HDX: variants seen among roughly 807,000 people sequenced by gnomAD.
The protein encoded by HDX is highly divergent homeobox, also known as chromosome X open reading frame 43.
Under a neutral mutation model 45.2 loss-of-function variants are expected in HDX, and 19 were observed. The observed-to-expected ratio is 0.42, with a 90% CI of 0.29 to 0.62. The LOEUF (loss-of-function observed/expected upper bound fraction) is 0.62, where lower values mean the gene tolerates loss of function less well. Ranked by LOEUF, HDX falls within the 20% of genes least tolerant of loss-of-function variation. HDX has a pLI of 0.20. For missense variants in HDX, 532 were observed against 493.9 expected (o/e 1.08, Z -0.73); for synonymous variants, 188 against 172.8 (o/e 1.09, Z -0.69).
At position 84,319,597 on chromosome X, in the gene HDX, TA is replaced by T. The variant is rs2036560607; in HGVS notation, c.*2291del. 1 of 111,338 alleles carries T rather than the reference TA, an allele frequency of 9.0e-6. No homozygotes were observed. The highest frequency in any genetic ancestry group is 1.9e-5 in the Non-Finnish European group (1 of 52,605). The allele number at this position is 111,338 out of a possible 1,213,427, so 9.2% of individuals were successfully genotyped here. A position where few individuals can be genotyped will look rare whatever the true frequency, so the allele number is the denominator to read the frequency against. On this transcript the variant is annotated 3_prime_UTR_variant, in exon 11 of 11. Transcript: ENST00000373177. ...ACAAATTTCAAGACAAAAGGAGTTCTAAATGTATTGTTATGATTTATATAGT... is the reference window on the plus strand; with the variant it reads ...ACAAATTTCAAGACAAAAGGAGTTCTAATGTATTGTTATGATTTATATAGT...
intron 4 of HDX, among the ~76,000 whole-genome samples, chrX:84,464,622 T>C (rs2040307018): frequency 2.7e-5 from 3 of 111,813 alleles, no homozygotes; most frequent in African/African-American, 9.8e-5. Context: ...TGGCTAGCCA[T>C]ATGTAGAAAA....
Position 84,440,536 on chromosome X carries a change from CT to C in HDX, c.1300del (p.Arg434GlufsTer14). ...VPWITGCSRK[R>X]ALQDRTQFSD... ...TTTAAATGAAAGATTACTTACTGCT[CT>C]TTTTCTAGAACACCCTGTAATCCAA... On this transcript the variant is annotated frameshift_variant, in exon 5 of 11. Coordinates refer to ENST00000373177, the MANE Select transcript of HDX (RefSeq NM_001177479.2). LOFTEE classifies it high-confidence loss of function. The C allele has an allele frequency of 8.5e-7, 1 of 1,175,988 alleles. No individual in the cohort carries two copies. The highest frequency in any genetic ancestry group is 1.2e-6 in the Non-Finnish European group (1 of 865,680).
intron 1 of HDX, among the ~76,000 whole-genome samples, chrX:84,493,811 T>C (rs925989384): frequency 2.7e-5 from 3 of 111,453 alleles, no homozygotes; most frequent in African/African-American, 9.8e-5. Context: ...AGGGTGACTA[T>C]AGTCAAAATA....
At chrX:84,380,457 T>A (rs1007965945) in intron 5 of HDX, among the ~76,000 whole-genome samples, 1 of 110,518 alleles carries the variant, frequency 9.0e-6, no homozygotes, top group African/African-American at 3.3e-5. Flanking sequence ...CTGATAAATA[T>A]CGATGTAAAC....
At chrX:84,476,544 CAA>C (rs376973856) in intron 2 of HDX, among the ~76,000 whole-genome samples, 896 of 38,017 alleles carry the variant, frequency 0.024, 9 homozygotes, top group African/African-American at 0.072. Context: ...AACTCTGTCT[CAA>C]AAAAAAAAAA....
At position 84,349,609 on chromosome X, in the gene HDX, G is replaced by GTATATATA. The variant is rs752855941; in HGVS notation, c.1453-5160_1453-5153dup. 6.5e-3 allele frequency among the ~76,000 whole-genome samples: 502 copies of GTATATATA among 77,547 alleles called. 9 individuals are homozygous for GTATATATA. Among genetic ancestry groups the GTATATATA allele is most frequent in the African/African-American group, 0.025 (484 of 19,625 alleles). 67.3% of individuals were successfully genotyped at this position (77,547 alleles called of 115,157 possible). On this transcript the variant is annotated intron_variant, in intron 6 of 10. Coordinates refer to ENST00000373177, the MANE Select transcript of HDX (RefSeq NM_001177479.2). ...TACATCTATATGTTTATGTGTGTGT[G>GTATATATA]TATATATATATATATATATATAAAC...
intron 5 of HDX, among the ~76,000 whole-genome samples, chrX:84,413,832 G>A (rs749190025): frequency 5.4e-5 from 6 of 111,333 alleles, no homozygotes; most frequent in South Asian, 7.5e-4. Flanking sequence ...TTTGTTATTA[G>A]CAGAACTGAA....
chrX:84,321,685 C>T lies in HDX; in HGVS notation c.*204G>A. On this transcript the variant is annotated 3_prime_UTR_variant, in exon 11 of 11. Transcript: ENST00000373177. ...CAGAGTTCCATCAGTTAAAAAAATA[C>T]TCTCTCAAACAATGCTTTTAAATTT... is the stretch of plus-strand genomic sequence containing the variant. The T allele has an allele frequency of 3.9e-6, 1 of 256,764 alleles. No individual in the cohort carries two copies. The highest frequency in any genetic ancestry group is 7.1e-6 in the Non-Finnish European group (1 of 140,573). 21.2% of individuals were successfully genotyped at this position (256,764 alleles called of 1,213,427 possible).
chrX:84,443,881 T>C (rs1428219932), intron 4 of HDX, among the ~76,000 whole-genome samples: 1 of 111,867 alleles, frequency 8.9e-6, no homozygotes. Context: ...TGGTGCTGTT[T>C]TAGAGTGCTA....
chrX:84,364,859 A>G (rs769277763), intron 5 of HDX, among the ~76,000 whole-genome samples: 1 of 109,657 alleles, frequency 9.1e-6, no homozygotes, highest in Admixed American at 9.8e-5. Flanking sequence ...AAGGAGTATC[A>G]CTCTTTCCGT....
intron 9 of HDX, among the ~76,000 whole-genome samples, chrX:84,328,420 T>A (rs1165268839): frequency 1.8e-5 from 2 of 110,920 alleles, no homozygotes; most frequent in Admixed American, 9.7e-5. Flanking sequence ...TTAAAATATA[T>A]TGTAAAGAAA....
chrX:84,373,382 A>G (rs951896151), intron 5 of HDX, among the ~76,000 whole-genome samples: 7 of 111,351 alleles, frequency 6.3e-5, no homozygotes, highest in South Asian at 3.8e-4. Flanking sequence ...TTTAAAAAAA[A>G]GAGGGAATCC....
Position 84,344,311 on chromosome X carries a change from T to C in HDX, c.1599A>G (p.Val533=), listed in dbSNP as rs763591162. ...LTPGEEAGPE[V]GEDNDRNDEV... is the part of the protein sequence containing the mutation. The stretch of plus-strand genomic sequence containing the variant: ...CATCATTTCTGTCATTATCCTCTCC[T>C]ACTTCAGGCCCAGCTTCCTCTCCTG... Residue 533 remains valine, a synonymous_variant, in exon 7 of 11, where the codon GTA becomes GTG. Transcript: ENST00000373177. The C allele has an allele frequency of 1.7e-5, 20 of 1,206,964 alleles. No homozygotes were observed. Among genetic ancestry groups the C allele is most frequent in the Non-Finnish European group, 2.0e-5 (18 of 892,932 alleles).
chrX:84,436,547 A>T (rs1286226569), intron 5 of HDX, among the ~76,000 whole-genome samples: 2 of 111,659 alleles, frequency 1.8e-5, no homozygotes, highest in Non-Finnish European at 3.8e-5. Flanking sequence ...TGCTTCAAGA[A>T]ATTTTAAAAT....
intron 4 of HDX, among the ~76,000 whole-genome samples, chrX:84,456,641 A>C (rs1323280342): frequency 9.0e-6 from 1 of 111,386 alleles, no homozygotes; most frequent in African/African-American, 3.3e-5. Flanking sequence ...AACACACTCC[A>C]CCTATAAAGA....
At chrX:84,485,916 T>A (rs1397781755) in intron 2 of HDX, among the ~76,000 whole-genome samples, 5 of 112,149 alleles carry the variant, frequency 4.5e-5, no homozygotes, top group Non-Finnish European at 9.4e-5. Context: ...ACTTTCCATA[T>A]TGTATTTTAC....
chrX:84,479,759 A>G (rs753853707), intron 2 of HDX, among the ~76,000 whole-genome samples: 47 of 111,425 alleles, frequency 4.2e-4, no homozygotes, highest in Non-Finnish European at 8.1e-4. Flanking sequence ...GCCATTTCCT[A>G]GTTGTGTAAT....
Position 84,344,254 on chromosome X carries a change from A to G in HDX, c.1656T>C (p.Ser552=). The change falls in exon 7 of 11, where the codon TCT becomes TCC. Residue 552 remains serine (S), a synonymous_variant. Coordinates refer to ENST00000373177, the MANE Select transcript of HDX (RefSeq NM_001177479.2). ...EVSICLSEGS[S]QEEPNEVVPN... ...AAGATTCAGCATATAAAGTACCTTG[A>G]GAGCTTCCTTCAGACAAACAGATGG... 8.4e-7 allele frequency: 1 copy of G among 1,193,266 alleles called. No homozygotes were observed. The highest frequency in any genetic ancestry group is 1.1e-6 in the Non-Finnish European group (1 of 879,366).
intron 5 of HDX, among the ~76,000 whole-genome samples, chrX:84,401,378 C>G (rs1004635953): frequency 9.0e-6 from 1 of 111,137 alleles, no homozygotes; most frequent in Non-Finnish European, 1.9e-5. Flanking sequence ...AAAAAATAAC[C>G]CCATCAAAAA....
Sources: allele counts gnomAD v4.1 joint callset (sites outside exome capture counted in the v4.1 genomes callset), GRCh38; gene constraint gnomAD v4.1.1; transcripts MANE v1.5; gene names NCBI Gene and HGNC (gene_info 2026-07-23, HGNC 2026-07-21).